GRIP1: variants seen among roughly 807,000 people sequenced by gnomAD.
GRIP1 encodes the protein glutamate receptor-interacting protein 1.
Under a neutral mutation model 129.9 loss-of-function variants are expected in GRIP1, and 45 were observed. That is an observed-to-expected ratio of 0.35 (90% confidence interval 0.27 to 0.44). The LOEUF is 0.44. GRIP1 is among the 20% of genes least tolerant of loss of function. The pLI is 1.00. For missense variants in GRIP1, 1,196 were observed against 1,396.8 expected (o/e 0.86, Z 2.29); for synonymous variants, 530 against 520.8 (o/e 1.02, Z -0.24).
chr12:66,960,472 C>CT (rs201844972), intron 1 of GRIP1, among the ~76,000 whole-genome samples: 1 of 152,028 alleles, frequency 6.6e-6, no homozygotes, highest in South Asian at 2.1e-4. Context: ...AGCATTTGGA[C>CT]TTTTTTTTAG....
chr12:66,666,865 C>G lies in GRIP1; in HGVS notation c.55+11985G>C, dbSNP rs561100017. On this transcript the variant is annotated intron_variant, in intron 1 of 24. Coordinates refer to ENST00000359742, the MANE Select transcript of GRIP1 (RefSeq NM_001366722.1). ...TTTTTAGGTTTGAAGCATTTCTTCT[C>G]AAACATTGAAACCTTTTTTTTTTTT... 2.0e-5 allele frequency among the ~76,000 whole-genome samples: 3 copies of G among 151,786 alleles called. No homozygotes were observed. The South Asian group carries it at 6.2e-4, about 32-fold the overall frequency.
intron 1 of GRIP1, among the ~76,000 whole-genome samples, chr12:66,620,312 C>G (rs2139960946): frequency 6.6e-6 from 1 of 152,268 alleles, no homozygotes; most frequent in East Asian, 1.9e-4. Flanking sequence ...AGGGAGCTCT[C>G]AAAATTAGGT....
At position 66,909,509 on chromosome 12, in the gene GRIP1, T is replaced by C. The variant is rs61918780; in HGVS notation, c.58+159541A>G. ...AACATTTCAACAAAGATGTTTTCAT[T>C]ATCAGCTCACGTGGTCAGTTTAAGG... is the stretch of plus-strand genomic sequence containing the variant. On this transcript the variant is annotated intron_variant, in intron 1 of 1. Transcript: ENST00000643019. Among the ~76,000 whole-genome samples, 715 of 152,376 alleles carry C rather than the reference T, an allele frequency of 4.7e-3. 4 individuals carry two copies. The highest frequency in any genetic ancestry group is 0.024 in the Middle Eastern group (7 of 294).
chr12:66,369,607 C>A (rs1175014309), intron 23 of GRIP1, among the ~76,000 whole-genome samples: 2 of 152,166 alleles, frequency 1.3e-5, no homozygotes, highest in East Asian at 3.9e-4. Flanking sequence ...AAGTACATAG[C>A]ACTTGCTAGG....
At chr12:66,432,756 T>C (rs1565732242) in intron 13 of GRIP1, 128 bp from the exon 14 acceptor site, 6 of 653,010 alleles carry the variant, frequency 9.2e-6, no homozygotes, top group East Asian at 8.2e-5. Context: ...TGAAGTAAGA[T>C]GAAGGCCTTT....
chr12:66,669,103 C>T (rs75779419), intron 1 of GRIP1, among the ~76,000 whole-genome samples: 2,625 of 152,120 alleles, frequency 0.017, 87 homozygotes, highest in African/African-American at 0.06. Context: ...TGGTTAAGCC[C>T]GGAGATCTTT....
chr12:66,895,333 C>T (rs2040728642), intron 1 of GRIP1, among the ~76,000 whole-genome samples: 1 of 152,122 alleles, frequency 6.6e-6, no homozygotes, highest in Admixed American at 6.5e-5. Context: ...AGGGCAGTTC[C>T]CCTACACACG....
chr12:66,377,107 C>A (rs2055820656), intron 21 of GRIP1, 46 bp from the exon 22 acceptor site: 1 of 1,586,910 alleles, frequency 6.3e-7, no homozygotes. Flanking sequence ...GTGAGAAATG[C>A]AAACTTAAAA....
intron 1 of GRIP1, among the ~76,000 whole-genome samples, chr12:66,948,773 T>C (rs770832484): frequency 6.6e-6 from 1 of 152,198 alleles, no homozygotes; most frequent in Admixed American, 6.5e-5. Flanking sequence ...AAGACCCCTA[T>C]AGAGATTCTA....
At chr12:66,522,269 A>G (rs1403919347) in intron 5 of GRIP1, among the ~76,000 whole-genome samples, 5 of 152,142 alleles carry the variant, frequency 3.3e-5, no homozygotes, top group South Asian at 2.1e-4. Flanking sequence ...GCAGACTGAC[A>G]CCTCACACGG....
rs985514099 is a variant in GRIP1 at position 66,582,593 on chromosome 12, G to A, written c.136+14254C>T. On this transcript the variant is annotated intron_variant, in intron 2 of 24. Transcript: ENST00000359742. ...CAAAATCAACGTACAAAAATCACAAGCATTCTTATACACCAATAACAGACA... is the reference window on the plus strand; with the variant it reads ...CAAAATCAACGTACAAAAATCACAAACATTCTTATACACCAATAACAGACA... Among the ~76,000 whole-genome samples, 43 of 137,434 alleles carry A rather than the reference G, an allele frequency of 3.1e-4. 5 individuals are homozygous for A. The highest frequency in any genetic ancestry group is 1.1e-3 in the African/African-American group (42 of 37,268). The allele number at this position is 137,434 out of a possible 152,430, so 90.2% of individuals were successfully genotyped here.
intron 2 of GRIP1, among the ~76,000 whole-genome samples, chr12:66,582,401 G>C (rs1166805098): frequency 6.8e-6 from 1 of 147,146 alleles, no homozygotes; most frequent in African/African-American, 2.5e-5. Flanking sequence ...GGAAGTTCTG[G>C]CCAGGGCAAT....
exon 1 of GRIP1, chr12:66,804,109 T>C (rs1264718808): frequency 4.4e-6 from 2 of 455,992 alleles, no homozygotes; most frequent in East Asian, 1.4e-4. Flanking sequence ...GTGGTAATCC[T>C]CTTCTGGTCG....
Position 66,937,278 on chromosome 12 carries a change from CTTTA to C in GRIP1, c.58+131768_58+131771del. On this transcript the variant is annotated intron_variant, in intron 1 of 1. Coordinates refer to the GRIP1 transcript ENST00000643019. ...CCTGACACTTGGCCACCTTTCTCAG[CTTTA>C]TTTTACTCCATGACATTTATCACTG... Among the ~76,000 whole-genome samples the C allele has an allele frequency of 2.0e-5, 3 of 152,280 alleles. 1 individual carries two copies. The Middle Eastern group carries it at 0.01, about 518-fold the overall frequency.
intron 1 of GRIP1, among the ~76,000 whole-genome samples, chr12:66,640,966 A>G (rs1328531575): frequency 6.6e-6 from 1 of 152,226 alleles, no homozygotes; most frequent in Non-Finnish European, 1.5e-5. Context: ...ACAAAATCCA[A>G]CGCAAGAGTG....
At chr12:66,802,814 C>A (rs1241603162) in intron 1 of GRIP1, among the ~76,000 whole-genome samples, 1 of 152,040 alleles carries the variant, frequency 6.6e-6, no homozygotes, top group African/African-American at 2.4e-5. Flanking sequence ...TAGTTAAATT[C>A]TAGGATATAG....
At chr12:66,913,620 A>G (rs1042630564) in intron 1 of GRIP1, among the ~76,000 whole-genome samples, 3 of 152,206 alleles carry the variant, frequency 2.0e-5, no homozygotes, top group East Asian at 1.9e-4. Flanking sequence ...TAAAATAACA[A>G]CAGCTTTGGC....
In GRIP1 at chr12:66,372,378, A is replaced by G. The variant is rs373047443; in HGVS notation, c.2779-451T>C. 17 of 251,788 alleles carry G rather than the reference A, an allele frequency of 6.8e-5. No homozygotes were observed. The East Asian group carries it at 1.4e-3, about 21-fold the overall frequency. The allele number at this position is 251,788 out of a possible 1,614,324, so 15.6% of individuals were successfully genotyped here. A position where few individuals can be genotyped will look rare whatever the true frequency, so the allele number is the denominator to read the frequency against. ...ACTTGCAATGCTGCCTCTATCTCCAACTGCAGTTAACAATGGGCTGGAAAG... is the reference window on the plus strand; with the variant it reads ...ACTTGCAATGCTGCCTCTATCTCCAGCTGCAGTTAACAATGGGCTGGAAAG... On this transcript the variant is annotated intron_variant, in intron 22 of 24. Coordinates refer to ENST00000359742, the MANE Select transcript of GRIP1 (RefSeq NM_001366722.1).
At chr12:66,917,867 C>T (rs2041151023) in intron 1 of GRIP1, among the ~76,000 whole-genome samples, 1 of 152,064 alleles carries the variant, frequency 6.6e-6, no homozygotes, top group Non-Finnish European at 1.5e-5. Flanking sequence ...CCATCTATCT[C>T]TTTATATCTC....
Sources: allele counts gnomAD v4.1 joint callset (sites outside exome capture counted in the v4.1 genomes callset), GRCh38; gene constraint gnomAD v4.1.1; transcripts MANE v1.5; gene names NCBI Gene and HGNC (gene_info 2026-07-23, HGNC 2026-07-21).